Variants in MYBPC2 observed in about 807,000 individuals in gnomAD.
The protein encoded by MYBPC2 is myosin binding protein C2.
In MYBPC2, 122 loss-of-function variants were observed where a neutral mutation model predicts 137.0. The ratio of observed to expected loss-of-function variants is 0.89; its 90% CI spans 0.77 to 1.03. The LOEUF is 1.03. Ranked by LOEUF, MYBPC2 falls within the 50% of genes least tolerant of loss-of-function variation. The pLI, the probability that MYBPC2 is intolerant of heterozygous loss-of-function variation, is 0.00. For missense variants in MYBPC2, 1,500 were observed against 1,534.4 expected (o/e 0.98, Z 0.37); for synonymous variants, 626 against 612.3 (o/e 1.02, Z -0.33).
Position 50,466,296 on chromosome 19 carries a change from C to A in MYBPC2, c.*91C>A, listed in dbSNP as rs1016340307. ...GACTGTGTTCTTTCTGGAGTTTTCG[C>A]TGAGAACAAAACAGTGTTGTCTGGA... On this transcript the variant is annotated 3_prime_UTR_variant, in exon 28 of 28. Coordinates refer to ENST00000357701, the MANE Select transcript of MYBPC2 (RefSeq NM_004533.4). The surrounding 1 kb of genome is among the most constrained non-coding windows in gnomAD (Gnocchi z 4.9). 1.3e-6 allele frequency: 2 copies of A among 1,565,696 alleles called. No individual in the cohort carries two copies. The highest frequency in any genetic ancestry group is 2.7e-5 in the African/African-American group (2 of 74,032).
In MYBPC2 at chr19:50,435,019, TGG is replaced by T. The variant is rs2039688918; in HGVS notation, c.20-140_20-139del. On this transcript the variant is annotated intron_variant, in intron 1 of 27. Coordinates refer to ENST00000357701, the MANE Select transcript of MYBPC2 (RefSeq NM_004533.4). The surrounding 1 kb of genome is among the most constrained non-coding windows in gnomAD (Gnocchi z 4.8). ...AGGAGGGGCTGGGGGCCTGGACTCC[TGG>T]GTCTGAGGGAGGAGGGGCTGGGGGC... is the stretch of plus-strand genomic sequence containing the variant. 1.7e-6 allele frequency: 1 copy of T among 589,936 alleles called. No homozygotes were observed. Among genetic ancestry groups the T allele is most frequent in the African/African-American group, 2.3e-5 (1 of 43,148 alleles). 36.5% of individuals were successfully genotyped at this position (589,936 alleles called of 1,614,324 possible).
Position 50,458,613 on chromosome 19 carries a change from G to C in MYBPC2, c.2365G>C (p.Glu789Gln). The C allele has an allele frequency of 1.2e-6, 2 of 1,612,602 alleles. No individual in the cohort carries two copies. The highest frequency in any genetic ancestry group is 1.7e-6 in the Non-Finnish European group (2 of 1,179,892). Residue 789 changes from glutamate (E) to glutamine (Q), a missense_variant, in exon 21 of 28, where the codon GAG becomes CAG. By Grantham distance (29) the Glu-to-Gln change is conservative (BLOSUM62 2). Transcript: ENST00000357701. ...GSEEWVPANT[E>Q]PVERCGFTVK... Reference sequence around the variant, plus strand: ...CGAGGAATGGGTCCCTGCCAACACCGAGCCCGTGGAGCGCTGTGGCTTCAC... The same window carrying C: ...CGAGGAATGGGTCCCTGCCAACACCCAGCCCGTGGAGCGCTGTGGCTTCAC...
At chr19:50,450,956 T>C in intron 14 of MYBPC2, 21 bp downstream of exon 14, 2 of 1,546,878 alleles carry the variant, frequency 1.3e-6, no homozygotes, top group Non-Finnish European at 1.8e-6. Flanking sequence ...CCCTTCCTCC[T>C]TCCCTGGGGG....
intron 7 of MYBPC2, among the ~76,000 whole-genome samples, chr19:50,439,129 C>T (rs1463482602): frequency 2.1e-5 from 3 of 145,890 alleles, no homozygotes; most frequent in Admixed American, 6.8e-5. Context: ...ATCCATCCAC[C>T]CACCCACCTG....
intron 1 of MYBPC2, among the ~76,000 whole-genome samples, chr19:50,433,730 A>C (rs2039678418): frequency 6.7e-6 from 1 of 150,298 alleles, no homozygotes; most frequent in Non-Finnish European, 1.5e-5. Flanking sequence ...TGGATTCTCC[A>C]CATCCGGGGA....
chr19:50,443,813 TG>T lies in MYBPC2; in HGVS notation c.1131del (p.Met377IlefsTer3), dbSNP rs1601285374. ...VEVSEEGAQV[M>X]WMKDGVELTR... ...GTGTCAGAAGAGGGTGCCCAGGTGA[TG>T]TGGTAAGTGACCCTTGATCCCTGAT... On this transcript the variant is annotated frameshift_variant and splice_region_variant, in exon 11 of 28. Coordinates refer to ENST00000357701, the MANE Select transcript of MYBPC2 (RefSeq NM_004533.4). LOFTEE classifies it high-confidence loss of function. The T allele has an allele frequency of 1.9e-6, 3 of 1,613,202 alleles. No individual in the cohort carries two copies. Among genetic ancestry groups the T allele is most frequent in the Non-Finnish European group, 2.5e-6 (3 of 1,179,328 alleles).
chr19:50,435,257 A>G lies in MYBPC2; in HGVS notation c.109+7A>G. On this transcript the variant is annotated splice_region_variant and intron_variant, in intron 2 of 27. Coordinates refer to ENST00000357701, the MANE Select transcript of MYBPC2 (RefSeq NM_004533.4). The surrounding 1 kb of genome is among the most constrained non-coding windows in gnomAD (Gnocchi z 4.8). ...CCTGCAGAGGCCCCCAAAGGTGAGG[A>G]GGTGCTCCCTCGGGCTCAACCGACC... 1 of 1,219,688 alleles carries G rather than the reference A, an allele frequency of 8.2e-7. No homozygotes were observed. The highest frequency in any genetic ancestry group is 1.2e-6 in the Non-Finnish European group (1 of 835,190). 75.6% of individuals were successfully genotyped at this position (1,219,688 alleles called of 1,614,324 possible).
intron 21 of MYBPC2, 42 bp downstream of exon 21, chr19:50,458,796 C>T (rs369941709): frequency 2.5e-6 from 4 of 1,603,354 alleles, no homozygotes; most frequent in African/African-American, 1.3e-5. Flanking sequence ...ACCAAGCTGG[C>T]GTCGTCCCGC....
In MYBPC2 at chr19:50,435,040, T is replaced by TG. The variant is rs1323841275; in HGVS notation, c.20-116dup. The TG allele has an allele frequency of 3.4e-4, 195 of 578,954 alleles. No individual in the cohort carries two copies. The highest frequency in any genetic ancestry group is 1.0e-3 in the African/African-American group (31 of 29,904). 35.9% of individuals were successfully genotyped at this position (578,954 alleles called of 1,614,324 possible). On this transcript the variant is annotated intron_variant, in intron 1 of 27. Coordinates refer to ENST00000357701, the MANE Select transcript of MYBPC2 (RefSeq NM_004533.4). This position sits in a 1 kb window ranked among gnomAD's most constrained non-coding sequence, Gnocchi z 4.8. ...CTCCTGGGTCTGAGGGAGGAGGGGC[T>TG]GGGGGCCTGGACTCCTGGGTCTGAG...
At chr19:50,464,594 C>A (rs562050970) in intron 27 of MYBPC2, 62 bp downstream of exon 27, 24 of 1,502,140 alleles carry the variant, frequency 1.6e-5, no homozygotes, top group Admixed American at 6.4e-5. Context: ...CCAGCCTGGC[C>A]GGTGGCCCCG....
rs1252172760 is a variant in MYBPC2 at position 50,436,643 on chromosome 19, G to C, written c.372G>C (p.Gly124=). 1 of 1,614,004 alleles carries C rather than the reference G, an allele frequency of 6.2e-7. No homozygotes were observed. Among genetic ancestry groups the C allele is most frequent in the Admixed American group, 1.7e-5 (1 of 60,032 alleles). Residue 124 remains glycine, a synonymous_variant, in exon 5 of 28, where the codon GGG becomes GGC. Coordinates refer to ENST00000357701, the MANE Select transcript of MYBPC2 (RefSeq NM_004533.4). ...SNVYTVELHI[G]KVVLGDRGYY... is the part of the protein sequence containing the mutation. Reference sequence around the variant, plus strand: ...TGTACACCGTGGAGCTGCACATTGGGAAGGTGGTACTGGGGGACCGTGGGT... The same window carrying C: ...TGTACACCGTGGAGCTGCACATTGGCAAGGTGGTACTGGGGGACCGTGGGT...
chr19:50,434,338 C>T (rs903487605), intron 1 of MYBPC2, among the ~76,000 whole-genome samples: 5 of 152,136 alleles, frequency 3.3e-5, no homozygotes, highest in Admixed American at 6.5e-5. Context: ...GCCTGGGAGA[C>T]GGAGCGAGAC....
At chr19:50,460,318 A>G in intron 24 of MYBPC2, 139 bp downstream of exon 24, 1 of 1,233,546 alleles carries the variant, frequency 8.1e-7, no homozygotes, top group Non-Finnish European at 1.1e-6. Context: ...GAAGCCTTTT[A>G]GCTGAGACTT....
Position 50,443,754 on chromosome 19 carries a change from G to A in MYBPC2, c.1071G>A (p.Val357=). The A allele has an allele frequency of 6.2e-7, 1 of 1,613,968 alleles. No individual in the cohort carries two copies. Among genetic ancestry groups the A allele is most frequent in the Non-Finnish European group, 8.5e-7 (1 of 1,179,882 alleles). ...TCACACCTCTTGAGGACCAGCAGGT[G>A]TTTGTGGGTGACCGGGTGGAAATGG... is the stretch of plus-strand genomic sequence containing the variant. ...LIVTPLEDQQ[V]FVGDRVEMAV... The change falls in exon 11 of 28, where the codon GTG becomes GTA. Residue 357 remains valine, a synonymous_variant. Transcript: ENST00000357701.
intron 19 of MYBPC2, 99 bp from the exon 20 acceptor site, chr19:50,455,410 CT>C (rs2122607635): frequency 4.5e-6 from 7 of 1,561,358 alleles, no homozygotes; most frequent in Non-Finnish European, 6.1e-6. Flanking sequence ...ACCCTACCCC[CT>C]GGCCTTCTGA....
At chr19:50,448,550 C>A (rs147170390) in intron 13 of MYBPC2, among the ~76,000 whole-genome samples, 160 bp downstream of exon 13, 9,563 of 152,032 alleles carry the variant, frequency 0.063, 471 homozygotes, top group Non-Finnish European at 0.097. Flanking sequence ...CTCACTGCAA[C>A]CTCCGCCTCC....
rs769812631 is a variant in MYBPC2, at chr19:50,435,242, C to A, written c.101C>A (p.Ala34Asp). ...EAPPKEAPAEAPKEAPPEDQS... is the reference protein window; with the variant it reads ...EAPPKEAPAEDPKEAPPEDQS... ...CCCCCTAAGGAGGCTCCTGCAGAGG[C>A]CCCCAAAGGTGAGGAGGTGCTCCCT... is the stretch of plus-strand genomic sequence containing the variant. The change falls in exon 2 of 28, where the codon GCC becomes GAC. Residue 34 changes from alanine to aspartate, a missense_variant. By Grantham distance (126) the Ala-to-Asp change is moderately radical. Transcript: ENST00000357701. The surrounding 1 kb of genome is among the most constrained non-coding windows in gnomAD (Gnocchi z 4.8). 8.8e-6 allele frequency: 11 copies of A among 1,245,360 alleles called. No homozygotes were observed. The highest frequency in any genetic ancestry group is 1.5e-5 in the African/African-American group (1 of 67,548). 77.1% of individuals were successfully genotyped at this position (1,245,360 alleles called of 1,614,324 possible).
At position 50,459,124 on chromosome 19, in the gene MYBPC2, C is replaced by G; in HGVS notation, c.2609C>G (p.Pro870Arg). Residue 870 changes from proline (P) to arginine (R), a missense_variant, in exon 23 of 28, where the codon CCC becomes CGC. By Grantham distance (103) the Pro-to-Arg change is moderately radical. Coordinates refer to ENST00000357701, the MANE Select transcript of MYBPC2 (RefSeq NM_004533.4). ...CTCTCCCCGCAGGGAAAGCCCCGGC[C>G]CCAGGTGGTGTGGACCAAGGGCGGG... The part of the protein sequence containing the change: ...LVVPFQGKPR[P>R]QVVWTKGGAP... 1 of 1,569,304 alleles carries G rather than the reference C, an allele frequency of 6.4e-7. No individual in the cohort carries two copies. The highest frequency in any genetic ancestry group is 1.4e-5 in the African/African-American group (1 of 74,028).
At position 50,446,009 on chromosome 19, in the gene MYBPC2, C is replaced by T. The variant is rs1405294356; in HGVS notation, c.1263C>T (p.Val421=). The T allele has an allele frequency of 6.2e-7, 1 of 1,613,362 alleles. No homozygotes were observed. The change falls in exon 12 of 28, where the codon GTC becomes GTT. Residue 421 remains valine (V), a synonymous_variant. Transcript: ENST00000357701. ...AGGAGGACAGGGGTCGCTATCAGGT[C>T]ATAACCAATGGCGGCCAGTGTGAGG... The part of the protein sequence containing the change: ...VVQEDRGRYQ[V]ITNGGQCEAE...
Sources: allele counts gnomAD v4.1 joint callset (sites outside exome capture counted in the v4.1 genomes callset), GRCh38; gene constraint gnomAD v4.1.1; non-coding constraint Gnocchi (gnomAD v3.1); transcripts MANE v1.5; gene names NCBI Gene and HGNC (gene_info 2026-07-23, HGNC 2026-07-21).